CUBN: variants seen among roughly 807,000 people sequenced by gnomAD.
CUBN encodes 460 kDa receptor.
CUBN carries 282 observed loss-of-function variants against 405.3 expected under a neutral mutation model. That is an observed-to-expected ratio of 0.70 (90% CI 0.63 to 0.77). CUBN has a LOEUF of 0.77. Among genes scored for constraint, CUBN ranks in the 30% least tolerant of loss-of-function variants. CUBN has a pLI of 0.00. For synonymous variants in CUBN, 1,684 were observed against 1,617.0 expected (o/e 1.04, Z -0.99); for missense variants, 4,514 against 4,475.2 (o/e 1.01, Z -0.25).
chr10:17,056,169 A>C (rs1050779445), intron 22 of CUBN, among the ~76,000 whole-genome samples: 3 of 152,066 alleles, frequency 2.0e-5, no homozygotes, highest in African/African-American at 7.2e-5. Context: ...ATTCAGTGGG[A>C]GTGGGGGTGA....
chr10:16,835,300 GA>G (rs1316213476), intron 63 of CUBN, 105 bp from the exon 64 acceptor site: 2 of 1,030,750 alleles, frequency 1.9e-6, no homozygotes, highest in African/African-American at 3.2e-5. Context: ...ATAAACTTTA[GA>G]AAAAAGTAAT....
Position 16,948,554 on chromosome 10 carries a change from G to C in CUBN, c.5133C>G (p.Ala1711=), listed in dbSNP as rs1053807727. The C allele has an allele frequency of 1.2e-6, 2 of 1,614,054 alleles. No homozygotes were observed. Among genetic ancestry groups the C allele is most frequent in the Non-Finnish European group, 1.7e-6 (2 of 1,179,958 alleles). Residue 1711 remains alanine, a synonymous_variant, in exon 35 of 67, where the codon GCC becomes GCG. Transcript: ENST00000377833. ...MPHPITSFSS[A]LTLRFVSDSS... ...AATCAGAGACGAATCTCAGCGTCAGGGCGCTGCTGAAGGATGTGATAGGAT... is the reference window on the plus strand; with the variant it reads ...AATCAGAGACGAATCTCAGCGTCAGCGCGCTGCTGAAGGATGTGATAGGAT...
At chr10:17,055,495 T>C (rs751673066) in intron 22 of CUBN, among the ~76,000 whole-genome samples, 1 of 152,070 alleles carries the variant, frequency 6.6e-6, no homozygotes, top group Non-Finnish European at 1.5e-5. Context: ...TTATTCACAG[T>C]TATTGTCATC....
At chr10:17,020,894 A>G (rs558665540) in intron 27 of CUBN, among the ~76,000 whole-genome samples, 143 of 152,332 alleles carry the variant, frequency 9.4e-4, no homozygotes, top group African/African-American at 3.4e-3. Flanking sequence ...GAAAGGGAAT[A>G]ACAAACAGTA....
Position 16,900,828 on chromosome 10 carries a change from A to G in CUBN, c.8207T>C (p.Ile2736Thr), listed in dbSNP as rs1350155483. Reference sequence around the variant, plus strand: ...CCAAGCACAAGTTGTATGGGGTTCAATATCAAAGTCACTAAATGTGAGCTG... The same window carrying G: ...CCAAGCACAAGTTGTATGGGGTTCAGTATCAAAGTCACTAAATGTGAGCTG... The part of the protein sequence containing the change: ...TITLTFSDFD[I>T]EPHTTCAWDS... Residue 2736 changes from isoleucine (I) to threonine (T), a missense_variant, in exon 53 of 67, where the codon ATT becomes ACT. By Grantham distance (89) the Ile-to-Thr change is moderately conservative. Around this residue, in one of 5 missense-constraint regions of CUBN, gnomAD observed 1,186 missense variants for 1,186.9 expected, o/e 1.00. Transcript: ENST00000377833. 1.2e-6 allele frequency: 2 copies of G among 1,613,596 alleles called. No homozygotes were observed. Among genetic ancestry groups the G allele is most frequent in the African/African-American group, 1.3e-5 (1 of 74,922 alleles).
intron 56 of CUBN, among the ~76,000 whole-genome samples, chr10:16,879,073 A>G (rs147149396): frequency 2.0e-5 from 3 of 152,316 alleles, no homozygotes; most frequent in East Asian, 3.9e-4. Context: ...TCCTTTGGGT[A>G]TATAAATGGG....
chr10:16,890,653 G>C, intron 54 of CUBN, 126 bp from the exon 55 acceptor site: 1 of 927,698 alleles, frequency 1.1e-6, no homozygotes, highest in Non-Finnish European at 1.8e-6. Flanking sequence ...ACAAAACATG[G>C]ACAAATCTGT....
chr10:17,089,339 T>A (rs1021656167), intron 14 of CUBN, among the ~76,000 whole-genome samples: 2 of 151,750 alleles, frequency 1.3e-5, no homozygotes, highest in African/African-American at 2.4e-5. Context: ...ATGCATAAAA[T>A]AGCATAAGCA....
At chr10:16,904,248 A>G (rs1277449009) in intron 50 of CUBN, 133 bp from the exon 51 acceptor site, 3 of 858,588 alleles carry the variant, frequency 3.5e-6, no homozygotes, top group African/African-American at 3.3e-5. Flanking sequence ...CAGACATTGC[A>G]CAATATTTGT....
At position 16,971,994 on chromosome 10, in the gene CUBN, C is replaced by T. The variant is rs115876773; in HGVS notation, c.4695+10490G>A. On this transcript the variant is annotated intron_variant, in intron 31 of 66. Transcript: ENST00000377833. ...CCTGCTCCTTGCAGGTTATTAAAGA[C>T]GGAATCCAGGGGCTTTGTTGCAATC... Among the ~76,000 whole-genome samples the T allele has an allele frequency of 2.5e-3, 384 of 152,238 alleles. 2 individuals carry two copies. The highest frequency in any genetic ancestry group is 7.1e-3 in the African/African-American group (296 of 41,526).
rs780394936 is a variant in CUBN at position 16,828,874 on chromosome 10, G to C, written c.10695C>G (p.Val3565=). The change falls in exon 66 of 67, where the codon GTC becomes GTG. Residue 3565 remains valine, a synonymous_variant. Coordinates refer to ENST00000377833, the MANE Select transcript of CUBN (RefSeq NM_001081.4). ...CATCATAGAGTGTGAGATAGTTCTGGACACAGTCTCCTGGATCGTCAATGC... is the reference window on the plus strand; with the variant it reads ...CATCATAGAGTGTGAGATAGTTCTGCACACAGTCTCCTGGATCGTCAATGC... ...FISIDDPGDC[V]QNYLTLYDGP... is the part of the protein sequence containing the mutation. 1 of 1,614,082 alleles carries C rather than the reference G, an allele frequency of 6.2e-7. No individual in the cohort carries two copies. Among genetic ancestry groups the C allele is most frequent in the African/African-American group, 1.3e-5 (1 of 74,924 alleles).
In CUBN at chr10:16,899,152, A is replaced by G; in HGVS notation, c.8442T>C (p.Gly2814=). 1.2e-6 allele frequency: 2 copies of G among 1,613,954 alleles called. No individual in the cohort carries two copies. The highest frequency in any genetic ancestry group is 1.7e-6 in the Non-Finnish European group (2 of 1,179,818). ...GAGGCCAGTGAGGGGATCTGATTGT[A>G]CCATTATCAGAATGAAATATTCCAC... ...GCGGIFHSDN[G]TIRSPHWPQN... Residue 2814 remains glycine (G), a synonymous_variant, in exon 54 of 67, where the codon GGT becomes GGC. Coordinates refer to ENST00000377833, the MANE Select transcript of CUBN (RefSeq NM_001081.4).
At chr10:17,066,133 A>G (rs1365409314) in intron 21 of CUBN, among the ~76,000 whole-genome samples, 3 of 152,170 alleles carry the variant, frequency 2.0e-5, no homozygotes, top group South Asian at 2.1e-4. Context: ...TATATAAAGC[A>G]CTTAGAACAG....
At chr10:16,937,914 T>A in intron 38 of CUBN, 130 bp from the exon 39 acceptor site, 1 of 777,304 alleles carries the variant, frequency 1.3e-6, no homozygotes, top group Non-Finnish European at 2.1e-6. Flanking sequence ...AGTAAACATT[T>A]AATTTTAGCT....
At chr10:16,985,553 C>T (rs751933803) in intron 29 of CUBN, among the ~76,000 whole-genome samples, 12 of 152,216 alleles carry the variant, frequency 7.9e-5, no homozygotes, top group Non-Finnish European at 1.3e-4. Flanking sequence ...AGCTGGTTAA[C>T]ACTTGAGCCC....
intron 41 of CUBN, 38 bp downstream of exon 41, chr10:16,928,119 G>A: frequency 1.2e-6 from 2 of 1,600,302 alleles, no homozygotes; most frequent in African/African-American, 1.3e-5. Context: ...GAGAGGAGAT[G>A]AGATAACATG....
In CUBN at chr10:16,827,928, G is replaced by T. The variant is rs116209083; in HGVS notation, c.10764+877C>A. ...TATCTACTTGCACATCAAATGAGAG[G>T]ATCGTAAGCACAGATGCCTGCAATA... On this transcript the variant is annotated intron_variant, in intron 66 of 66. Transcript: ENST00000377833. Among the ~76,000 whole-genome samples the T allele has an allele frequency of 8.8e-3, 1,343 of 152,302 alleles. 20 individuals carry two copies. The highest frequency in any genetic ancestry group is 0.03 in the African/African-American group (1,258 of 41,566).
intron 9 of CUBN, among the ~76,000 whole-genome samples, chr10:17,110,678 C>T (rs1187308851): frequency 6.6e-6 from 1 of 152,116 alleles, no homozygotes; most frequent in Non-Finnish European, 1.5e-5. Context: ...CAAGCATGCA[C>T]CACCATGCCC....
chr10:16,882,407 A>C (rs1840688948), intron 56 of CUBN, among the ~76,000 whole-genome samples: 1 of 152,346 alleles, frequency 6.6e-6, no homozygotes, highest in South Asian at 2.1e-4. Context: ...CATCGTTTGC[A>C]ATGGGCAAGG....
Sources: gnomAD v4.1 joint callset for allele counts (sites outside exome capture counted in the v4.1 genomes callset) on GRCh38, gnomAD v4.1.1 for gene constraint, gnomAD v4.1.1 regional missense constraint, MANE v1.5 for transcripts, NCBI Gene and HGNC (gene_info 2026-07-23, HGNC 2026-07-21) for gene names.